TRPM3: variants seen among roughly 807,000 people sequenced by gnomAD.
The protein encoded by TRPM3 is transient receptor potential cation channel subfamily M member 3.
TRPM3 carries 77 observed loss-of-function variants against 181.2 expected under a neutral mutation model. The observed-to-expected ratio is 0.42, with a 90% CI of 0.35 to 0.51. The LOEUF is 0.51. TRPM3 is among the 20% of genes least tolerant of loss of function. TRPM3 has a pLI of 0.01. For missense variants in TRPM3, 1,759 were observed against 2,196.7 expected, an observed-to-expected ratio of 0.80 and a Z score of 3.98; for synonymous variants, 745 against 796.4, an observed-to-expected ratio of 0.94 and a Z score of 1.09.
At chr9:71,029,688 C>T (rs1286045885) in intron 1 of TRPM3, among the ~76,000 whole-genome samples, 1 of 152,074 alleles carries the variant, frequency 6.6e-6, no homozygotes, top group Non-Finnish European at 1.5e-5. Context: ...ATTATAAAAT[C>T]TTTATGAATC....
At chr9:71,243,278 C>A (rs897163127) in intron 1 of TRPM3, among the ~76,000 whole-genome samples, 5 of 152,210 alleles carry the variant, frequency 3.3e-5, no homozygotes, top group Middle Eastern at 6.8e-3. Flanking sequence ...CTGACCTCAG[C>A]CTCTCAAAGT....
chr9:70,836,102 C>A (rs1445192204), intron 5 of TRPM3, among the ~76,000 whole-genome samples: 2 of 152,104 alleles, frequency 1.3e-5, no homozygotes, highest in Non-Finnish European at 2.9e-5. Context: ...GATAAACCTC[C>A]AGGTTAAAAC....
intron 1 of TRPM3, among the ~76,000 whole-genome samples, chr9:71,325,756 C>CCCCACA (rs1554876536): frequency 6.7e-6 from 1 of 149,856 alleles, no homozygotes; most frequent in Non-Finnish European, 1.5e-5. Flanking sequence ...ACCCACCCAC[C>CCCCACA]CACACACACA....
Position 71,367,468 on chromosome 9 carries a change from G to GT in TRPM3, c.183+79184dup, listed in dbSNP as rs375483997. Among the ~76,000 whole-genome samples, 436 of 152,272 alleles carry GT rather than the reference G, an allele frequency of 2.9e-3. 1 individual carries two copies. The highest frequency in any genetic ancestry group is 0.01 in the African/African-American group (422 of 41,550). On this transcript the variant is annotated intron_variant, in intron 1 of 24. Transcript: ENST00000357533. ...ACCTGTAAAAGGCAAGTTTGTAAAT[G>GT]TAACAGTTTGTGCAGTTTTTTTCTT...
At chr9:71,011,935 C>T (rs1271099526) in intron 1 of TRPM3, among the ~76,000 whole-genome samples, 1 of 151,862 alleles carries the variant, frequency 6.6e-6, no homozygotes, top group Non-Finnish European at 1.5e-5. Context: ...TGCACACCAC[C>T]ATGCCTGGCT....
chr9:71,302,112 T>C (rs2086833476), intron 1 of TRPM3, among the ~76,000 whole-genome samples: 1 of 152,068 alleles, frequency 6.6e-6, no homozygotes, highest in African/African-American at 2.4e-5. Flanking sequence ...GTGTCGCAAA[T>C]CAACACCTAC....
chr9:70,562,587 G>A (rs7872938), intron 22 of TRPM3, among the ~76,000 whole-genome samples: 91,446 of 148,760 alleles, frequency 0.61, 28,701 homozygotes, highest in East Asian at 0.83. Context: ...GCAGGATGTC[G>A]CAAATCTAGG....
At chr9:70,875,881 GA>G (rs2095860680) in intron 1 of TRPM3, among the ~76,000 whole-genome samples, 1 of 151,844 alleles carries the variant, frequency 6.6e-6, no homozygotes, top group Non-Finnish European at 1.5e-5. Flanking sequence ...CTCTGGAAAT[GA>G]AAAATTATTA....
chr9:70,759,581 C>T (rs1242005198), intron 8 of TRPM3, among the ~76,000 whole-genome samples: 1 of 152,164 alleles, frequency 6.6e-6, no homozygotes, highest in Non-Finnish European at 1.5e-5. Context: ...TTGGAACCAA[C>T]CCAAATGCCC....
At chr9:70,890,312 C>G (rs1299681486) in intron 1 of TRPM3, among the ~76,000 whole-genome samples, 1 of 151,594 alleles carries the variant, frequency 6.6e-6, no homozygotes, top group Non-Finnish European at 1.5e-5. Flanking sequence ...CAAAACAGAA[C>G]AAAGAGAAAA....
At chr9:70,940,301 C>T (rs1006405522) in intron 1 of TRPM3, among the ~76,000 whole-genome samples, 5 of 152,318 alleles carry the variant, frequency 3.3e-5, no homozygotes, top group East Asian at 3.9e-4. Flanking sequence ...CCTACAAAGT[C>T]GTAAAGCTGG....
chr9:70,880,232 TATC>T (rs2095962228), intron 1 of TRPM3, among the ~76,000 whole-genome samples: 4 of 152,122 alleles, frequency 2.6e-5, no homozygotes, highest in Admixed American at 2.6e-4. Flanking sequence ...TGTCAGTAGA[TATC>T]ATTATTTAAA....
intron 1 of TRPM3, among the ~76,000 whole-genome samples, chr9:71,281,675 CAT>C (rs1276410052): frequency 1.3e-5 from 2 of 152,156 alleles, no homozygotes; most frequent in Non-Finnish European, 2.9e-5. Context: ...CCTAAGCAAT[CAT>C]ATTAATTTCT....
chr9:70,588,903 A>G lies in TRPM3; in HGVS notation c.3223+2128T>C, dbSNP rs80063297. Among the ~76,000 whole-genome samples, 378 of 152,326 alleles carry G rather than the reference A, an allele frequency of 2.5e-3. 1 individual carries two copies. The highest frequency in any genetic ancestry group is 9.0e-3 in the African/African-American group (373 of 41,562). ...TGACAGATTTTGGGGGCAGCCTTCT[A>G]TATCCATTTGAGAAAGGACAAATAC... On this transcript the variant is annotated intron_variant, in intron 22 of 25. Transcript: ENST00000677713.
intron 22 of TRPM3, among the ~76,000 whole-genome samples, chr9:70,573,000 G>A (rs138707728): frequency 2.6e-5 from 4 of 152,068 alleles, no homozygotes; most frequent in Admixed American, 2.6e-4. Flanking sequence ...TTTATAGATG[G>A]TATAATTTAT....
At chr9:70,933,564 C>T (rs2096795469) in intron 1 of TRPM3, among the ~76,000 whole-genome samples, 1 of 151,992 alleles carries the variant, frequency 6.6e-6, no homozygotes, top group African/African-American at 2.4e-5. Context: ...GGAATGAAAC[C>T]AGATTGGAAT....
At chr9:70,687,056 A>G (rs1211859175) in intron 8 of TRPM3, among the ~76,000 whole-genome samples, 2 of 151,598 alleles carry the variant, frequency 1.3e-5, no homozygotes, top group Non-Finnish European at 2.9e-5. Context: ...TGGCCTCCCA[A>G]CGTGTTGGGA....
chr9:71,372,724 C>G (rs987491522), intron 1 of TRPM3, among the ~76,000 whole-genome samples: 1 of 152,074 alleles, frequency 6.6e-6, no homozygotes, highest in African/African-American at 2.4e-5. Flanking sequence ...ACAATACTAA[C>G]CTTAAATGTA....
At chr9:70,755,612 C>T (rs1368289608) in intron 8 of TRPM3, among the ~76,000 whole-genome samples, 3 of 152,122 alleles carry the variant, frequency 2.0e-5, no homozygotes, top group Non-Finnish European at 4.4e-5. Flanking sequence ...GGTGATCCGC[C>T]TGCCTCGGCC....
Sources: allele counts gnomAD v4.1 joint callset (sites outside exome capture counted in the v4.1 genomes callset), GRCh38; gene constraint gnomAD v4.1.1; transcripts MANE v1.5; gene names NCBI Gene and HGNC (gene_info 2026-07-23, HGNC 2026-07-21).